TET1: variants seen among roughly 807,000 people sequenced by gnomAD.
TET1 encodes tet methylcytosine dioxygenase 1, also known as methylcytosine dioxygenase TET1.
Under a neutral mutation model 148.7 loss-of-function variants are expected in TET1, and 13 were observed. That is an observed-to-expected ratio of 0.09 (90% CI 0.06 to 0.14). TET1 has a LOEUF of 0.14. TET1 is among the 10% of genes least tolerant of loss of function. The pLI, the probability that TET1 is intolerant of heterozygous loss-of-function variation, is 1.00. For synonymous variants in TET1, 907 were observed against 937.2 expected (o/e 0.97, Z 0.59); for missense variants, 2,182 against 2,553.8 (o/e 0.85, Z 3.14).
At chr10:68,678,662 A>T (rs978291511) in intron 8 of TET1, among the ~76,000 whole-genome samples, 5 of 152,030 alleles carry the variant, frequency 3.3e-5, no homozygotes, top group Non-Finnish European at 7.4e-5. Flanking sequence ...AGGCAGGAGA[A>T]TTGCTTGAAC....
rs752626982 is a variant in TET1, at chr10:68,673,037, C to A, written c.4816C>A (p.Pro1606Thr). Residue 1606 changes from proline (P) to threonine (T), a missense_variant, in exon 8 of 12, where the codon CCC (proline) becomes ACC (threonine). Pro to Thr is a conservative substitution (Grantham distance 38, BLOSUM62 -1). Around this residue, in one of 11 missense-constraint regions of TET1, gnomAD observed 55 missense variants for 149.8 expected, o/e 0.37. Coordinates refer to ENST00000373644, the MANE Select transcript of TET1 (RefSeq NM_030625.3). ...AAGATTTAGAATTGATCCAAGCTCTCCCTTACATGTAAGTGTCCTTCTTTA... is the reference window on the plus strand; with the variant it reads ...AAGATTTAGAATTGATCCAAGCTCTACCTTACATGTAAGTGTCCTTCTTTA... ...PRRFRIDPSS[P>T]LHEKNLEDNL... The A allele has an allele frequency of 3.1e-6, 5 of 1,605,848 alleles. No homozygotes were observed. In the African/African-American group the frequency reaches 5.3e-5, roughly 17 times the overall value.
chr10:68,565,510 A>G (rs1236227809), intron 1 of TET1, among the ~76,000 whole-genome samples: 1 of 28,682 alleles, frequency 3.5e-5, no homozygotes, highest in East Asian at 1.1e-3. Flanking sequence ...GCACACAGAC[A>G]CACACACATT....
chr10:68,584,427 G>A (rs2053837005), intron 2 of TET1, among the ~76,000 whole-genome samples: 1 of 151,854 alleles, frequency 6.6e-6, no homozygotes, highest in Non-Finnish European at 1.5e-5. Flanking sequence ...AAAGAAAATG[G>A]GCTGGGTGCA....
Position 68,644,742 on chromosome 10 carries a change from C to T in TET1, c.2013C>T (p.Ser671=), listed in dbSNP as rs770538947. The part of the protein sequence containing the change: ...NKPVNGPKSE[S]MDYSRCGHGE... ...CAGTAAATGGCCCCAAGTCAGAATC[C>T]ATGGACTACAGTAGATGTGGTCATG... Residue 671 remains serine, a synonymous_variant, in exon 4 of 12, where the codon TCC becomes TCT. Coordinates refer to ENST00000373644, the MANE Select transcript of TET1 (RefSeq NM_030625.3). The T allele has an allele frequency of 6.3e-7, 1 of 1,593,758 alleles. No individual in the cohort carries two copies. The highest frequency in any genetic ancestry group is 8.5e-7 in the Non-Finnish European group (1 of 1,172,896).
intron 2 of TET1, among the ~76,000 whole-genome samples, chr10:68,586,254 T>G (rs1439064004): frequency 6.6e-6 from 1 of 152,170 alleles, no homozygotes. Context: ...CTCGGCTCAC[T>G]GCAATCAGTA....
intron 2 of TET1, among the ~76,000 whole-genome samples, chr10:68,584,222 A>C (rs946965990): frequency 6.7e-6 from 1 of 150,240 alleles, no homozygotes. Context: ...TTTTATTTTT[A>C]TTAGAGATGG....
chr10:68,574,317 C>A, intron 2 of TET1, 65 bp downstream of exon 2: 1 of 1,318,486 alleles, frequency 7.6e-7, no homozygotes, highest in Non-Finnish European at 1.0e-6. Context: ...TATGCAGAGA[C>A]ACTTCTAGTG....
chr10:68,601,182 C>T (rs1168869504), intron 3 of TET1, 148 bp downstream of exon 3: 5 of 667,744 alleles, frequency 7.5e-6, no homozygotes, highest in African/African-American at 1.9e-5. Context: ...AAAGTGTTTT[C>T]TCTCTCTTTT....
intron 1 of TET1, among the ~76,000 whole-genome samples, chr10:68,567,902 G>A (rs1369547427): frequency 1.3e-5 from 2 of 152,140 alleles, no homozygotes; most frequent in Admixed American, 6.5e-5. Context: ...ATGAGACGGA[G>A]TTCCTACACC....
intron 3 of TET1, among the ~76,000 whole-genome samples, chr10:68,615,027 C>G (rs1442205064): frequency 1.3e-5 from 2 of 151,902 alleles, no homozygotes; most frequent in Non-Finnish European, 2.9e-5. Context: ...CTCCGTCTCC[C>G]AGGTTGAAGC....
chr10:68,665,941 T>A (rs2133172778), intron 6 of TET1, among the ~76,000 whole-genome samples: 1 of 152,308 alleles, frequency 6.6e-6, no homozygotes, highest in East Asian at 1.9e-4. Flanking sequence ...TTTGTAATAT[T>A]ATAGCAACAA....
chr10:68,599,070 C>T (rs1178169633), intron 2 of TET1, among the ~76,000 whole-genome samples: 1 of 152,172 alleles, frequency 6.6e-6, no homozygotes, highest in Non-Finnish European at 1.5e-5. Context: ...GGAAAAACAA[C>T]GCATGCCGGA....
At chr10:68,569,524 C>G (rs2053643748) in intron 1 of TET1, among the ~76,000 whole-genome samples, 1 of 152,094 alleles carries the variant, frequency 6.6e-6, no homozygotes, top group Non-Finnish European at 1.5e-5. Flanking sequence ...ACCAGCTTTA[C>G]TGTCAAACAG....
At chr10:68,595,975 C>T (rs868620810) in intron 2 of TET1, among the ~76,000 whole-genome samples, 3,241 of 45,402 alleles carry the variant, frequency 0.071, 250 homozygotes, top group South Asian at 0.15. Flanking sequence ...CACACACACA[C>T]ACATATATAC....
chr10:68,690,724 A>T, intron 11 of TET1, 84 bp from the exon 12 acceptor site: 2 of 1,356,564 alleles, frequency 1.5e-6, no homozygotes, highest in Non-Finnish European at 2.0e-6. Flanking sequence ...AATTCTTTGT[A>T]CTTGTCTTTG....
rs573352658 is a variant in TET1, at chr10:68,570,477, G to A, written c.-122-1740G>A. The stretch of plus-strand genomic sequence containing the variant: ...CTAGTAGTCCCCAGTGTCTATTATG[G>A]CCATCTTTATGTCCATGAGTACCTG... On this transcript the variant is annotated intron_variant, in intron 1 of 11. Coordinates refer to ENST00000373644, the MANE Select transcript of TET1 (RefSeq NM_030625.3). Among the ~76,000 whole-genome samples, 8 of 152,036 alleles carry A rather than the reference G, an allele frequency of 5.3e-5. No individual in the cohort carries two copies. The South Asian group carries it at 1.7e-3, about 32-fold the overall frequency.
chr10:68,673,574 A>G (rs1488107591), intron 8 of TET1: 3 of 192,298 alleles, frequency 1.6e-5, no homozygotes, highest in African/African-American at 4.7e-5. Context: ...ACCTATAAGT[A>G]TAACTCCACA....
At chr10:68,681,893 AG>A (rs1476130800) in intron 9 of TET1, among the ~76,000 whole-genome samples, 2 of 149,296 alleles carry the variant, frequency 1.3e-5, no homozygotes, top group Admixed American at 1.3e-4. Context: ...ACTTGAACCC[AG>A]GAGGTGGAGG....
At chr10:68,607,944 TTTTTGGACAGAG>T (rs2054149106) in intron 3 of TET1, among the ~76,000 whole-genome samples, 1 of 151,410 alleles carries the variant, frequency 6.6e-6, no homozygotes, top group African/African-American at 2.4e-5. Flanking sequence ...GTCTTTTTTT[TTTTTGGACAGAG>T]TCTTGCTCTG....
Sources: gnomAD v4.1 joint callset for allele counts (sites outside exome capture counted in the v4.1 genomes callset) on GRCh38, gnomAD v4.1.1 for gene constraint, gnomAD v4.1.1 regional missense constraint, MANE v1.5 for transcripts, NCBI Gene and HGNC (gene_info 2026-07-23, HGNC 2026-07-21) for gene names.